The following SLC35B3 variants were observed in gnomAD, a reference collection of about 807,000 sequenced individuals.
SLC35B3 encodes adenosine 3'-phospho 5'-phosphosulfate transporter 2.
In SLC35B3, 35 loss-of-function variants were observed where a neutral mutation model predicts 44.1. The ratio of observed to expected loss-of-function variants is 0.79; its 90% CI spans 0.61 to 1.05. SLC35B3 has a LOEUF of 1.05. Among genes scored for constraint, SLC35B3 ranks in the 50% least tolerant of loss-of-function variants. SLC35B3 has a pLI of 0.00. For synonymous variants in SLC35B3, 146 were observed against 167.3 expected (o/e 0.87, Z 0.98); for missense variants, 414 against 476.4 (o/e 0.87, Z 1.22).
chr6:8,435,450 C>T lies in SLC35B3; in HGVS notation c.-151G>A, dbSNP rs2113607134. Reference sequence around the variant, plus strand: ...TCCGTCGCCATCACCTCCTCTTCCTCCTCCTCCTCGCCCACTCCTGCACTT... The same window carrying T: ...TCCGTCGCCATCACCTCCTCTTCCTTCTCCTCCTCGCCCACTCCTGCACTT... On this transcript the variant is annotated 5_prime_UTR_variant, in exon 1 of 11. Coordinates refer to ENST00000644923, the MANE Select transcript of SLC35B3 (RefSeq NM_001370476.2). The surrounding 1 kb of genome is among the most constrained non-coding windows in gnomAD (Gnocchi z 5.5). 8.3e-7 allele frequency: 1 copy of T among 1,208,994 alleles called. No individual in the cohort carries two copies. The highest frequency in any genetic ancestry group is 1.3e-5 in the South Asian group (1 of 79,190). The allele number at this position is 1,208,994 out of a possible 1,614,324, so 74.9% of individuals were successfully genotyped here.
chr6:8,426,810 C>G (rs4367418), intron 4 of SLC35B3, among the ~76,000 whole-genome samples: 1 of 152,030 alleles, frequency 6.6e-6, no homozygotes, highest in Non-Finnish European at 1.5e-5. Context: ...CAGAAGAAGA[C>G]AGGAAAATGT....
intron 4 of SLC35B3, 76 bp from the exon 4 acceptor site, chr6:8,422,700 G>A: frequency 9.0e-7 from 1 of 1,108,378 alleles, no homozygotes; most frequent in Non-Finnish European, 1.3e-6. Context: ...TTCACATTGT[G>A]TAAATGTCTA....
At position 8,419,442 on chromosome 6, in the gene SLC35B3, T is replaced by A. The variant is rs977135606; in HGVS notation, c.780+138A>T. On this transcript the variant is annotated intron_variant, in intron 7 of 10. Transcript: ENST00000644923. This position sits in a 1 kb window ranked among gnomAD's most constrained non-coding sequence, Gnocchi z 4.3. The stretch of plus-strand genomic sequence containing the variant: ...GTTGTAGTTTTAGTTTTTACCTTCC[T>A]ATAATGTTTGAATGTATTACTTTTG... The A allele has an allele frequency of 4.5e-5, 21 of 469,880 alleles. No individual in the cohort carries two copies. Among genetic ancestry groups the A allele is most frequent in the Non-Finnish European group, 7.6e-5 (20 of 262,724 alleles). 29.1% of individuals were successfully genotyped at this position (469,880 alleles called of 1,614,324 possible).
At chr6:8,429,507 T>C (rs1424373839) in intron 3 of SLC35B3, among the ~76,000 whole-genome samples, 2 of 152,204 alleles carry the variant, frequency 1.3e-5, no homozygotes. Context: ...TCTTTTATTA[T>C]TGAGCTCCAA....
rs771062056 is a variant in SLC35B3 at position 8,411,564 on chromosome 6, G to A, written c.*1985C>T. 1.1e-4 allele frequency among the ~76,000 whole-genome samples: 16 copies of A among 152,090 alleles called. No homozygotes were observed. The highest frequency in any genetic ancestry group is 1.9e-4 in the African/African-American group (8 of 41,424). On this transcript the variant is annotated 3_prime_UTR_variant, in exon 11 of 11. Coordinates refer to ENST00000644923, the MANE Select transcript of SLC35B3 (RefSeq NM_001370476.2). ...ATAATGAAGTATGCATTAAGATCCC[G>A]TCTATCTTAAGCCAGGAAAAATTTT...
chr6:8,417,143 GA>G (rs72191300), intron 8 of SLC35B3, 148 bp from the exon 8 acceptor site: 72,697 of 556,272 alleles, frequency 0.13, 5,407 homozygotes, highest in South Asian at 0.16. Flanking sequence ...TTGATTTAAT[GA>G]AAAAAAAATG....
rs768233424 is a variant in SLC35B3 at position 8,429,972 on chromosome 6, G to A, written c.189C>T (p.Asp63=). ...GATTCATGCCAAGTACCACAACGTC[G>A]TCAACTGACTTGATGTGTGGTGACA... Residue 63 remains aspartate, a synonymous_variant, in exon 3 of 11, where the codon GAC becomes GAT. Coordinates refer to ENST00000644923, the MANE Select transcript of SLC35B3 (RefSeq NM_001370476.2). 25 of 1,613,030 alleles carry A rather than the reference G, an allele frequency of 1.5e-5. No homozygotes were observed. Among genetic ancestry groups the A allele is most frequent in the Admixed American group, 3.3e-5 (2 of 59,822 alleles).
At chr6:8,424,261 T>TA (rs1222978087) in intron 4 of SLC35B3, among the ~76,000 whole-genome samples, 9 of 149,244 alleles carry the variant, frequency 6.0e-5, no homozygotes, top group Non-Finnish European at 1.3e-4. Flanking sequence ...GGGAGAAAAT[T>TA]TTTTTTTTGA....
At position 8,435,107 on chromosome 6, in the gene SLC35B3, G is replaced by T; in HGVS notation, c.-44+236C>A. ...CGAGTCCACGGATTGGGACCTGAGG[G>T]AGTTCTCGCCAGCCCGAGGGCGAAA... On this transcript the variant is annotated intron_variant, in intron 1 of 10. Transcript: ENST00000644923. The surrounding 1 kb of genome is among the most constrained non-coding windows in gnomAD (Gnocchi z 5.5). 8.0e-7 allele frequency: 1 copy of T among 1,249,494 alleles called. No individual in the cohort carries two copies. Among genetic ancestry groups the T allele is most frequent in the Non-Finnish European group, 1.0e-6 (1 of 969,928 alleles). The allele number at this position is 1,249,494 out of a possible 1,614,324, so 77.4% of individuals were successfully genotyped here. A position where few individuals can be genotyped will look rare whatever the true frequency, so the allele number is the denominator to read the frequency against.
chr6:8,413,508 T>C lies in SLC35B3; in HGVS notation c.*41A>G, dbSNP rs367808428. 1.6e-5 allele frequency: 25 copies of C among 1,541,470 alleles called. No individual in the cohort carries two copies. The highest frequency in any genetic ancestry group is 4.5e-4 in the Middle Eastern group (2 of 4,492). Reference sequence around the variant, plus strand: ...CTTTGGAAAGTTAATTAATTGATGATTGTTCCCTTAAAATTCTATTTTAAA... The same window carrying C: ...CTTTGGAAAGTTAATTAATTGATGACTGTTCCCTTAAAATTCTATTTTAAA... On this transcript the variant is annotated 3_prime_UTR_variant, in exon 11 of 11. Coordinates refer to ENST00000644923, the MANE Select transcript of SLC35B3 (RefSeq NM_001370476.2).
Position 8,420,931 on chromosome 6 carries a change from A to G in SLC35B3, c.575-103T>C, listed in dbSNP as rs950194252. The G allele has an allele frequency of 4.8e-6, 4 of 832,960 alleles. No homozygotes were observed. The highest frequency in any genetic ancestry group is 7.4e-6 in the Non-Finnish European group (4 of 542,694). 51.6% of individuals were successfully genotyped at this position (832,960 alleles called of 1,614,324 possible). ...AACATGGATTTGTTTTTTTATATCC[A>G]ATGCCAAAAACGTGAACACTTAGGT... On this transcript the variant is annotated intron_variant, in intron 5 of 10. Transcript: ENST00000644923. The surrounding 1 kb of genome is among the most constrained non-coding windows in gnomAD (Gnocchi z 4.4).
chr6:8,426,813 G>A (rs1763458833), intron 4 of SLC35B3, among the ~76,000 whole-genome samples: 1 of 152,166 alleles, frequency 6.6e-6, no homozygotes, highest in Non-Finnish European at 1.5e-5. Context: ...AAGAAGACAG[G>A]AAAATGTAGG....
chr6:8,416,958 GA>G lies in SLC35B3; in HGVS notation c.910del (p.Ser304ProfsTer14), dbSNP rs1402472961. 1.4e-5 allele frequency: 23 copies of G among 1,602,052 alleles called. No individual in the cohort carries two copies. The highest frequency in any genetic ancestry group is 1.7e-4 in the Middle Eastern group (1 of 6,010). On this transcript the variant is annotated frameshift_variant, in exon 9 of 11. Transcript: ENST00000644923. LOFTEE classifies it high-confidence loss of function. ...GGAGATTCCAAAATATCCAGTGAGG[GA>G]AAAAAGGAACGCATAACCATAGGTC...
intron 7 of SLC35B3, among the ~76,000 whole-genome samples, chr6:8,418,246 A>G (rs1041295780): frequency 6.6e-6 from 1 of 152,116 alleles, no homozygotes; most frequent in African/African-American, 2.4e-5. Flanking sequence ...TTAACTTTCT[A>G]ACAACCTACA....
In SLC35B3 at chr6:8,428,113, A is replaced by G. The variant is rs183400387; in HGVS notation, c.298-55T>C. On this transcript the variant is annotated intron_variant, in intron 3 of 10. Transcript: ENST00000644923. ...TCCAAGGCAGCACACTAATTTCCTA[A>G]AAATAAATTCTTAGAAACACAACAT... 2.2e-6 allele frequency: 3 copies of G among 1,368,640 alleles called. No individual in the cohort carries two copies. In the Admixed American group the frequency reaches 8.5e-5, roughly 39 times the overall value. 84.8% of individuals were successfully genotyped at this position (1,368,640 alleles called of 1,614,324 possible). A position where few individuals can be genotyped will look rare whatever the true frequency, so the allele number is the denominator to read the frequency against.
rs148154513 is a variant in SLC35B3, at chr6:8,425,829, G to A, written c.419+2108C>T. ...CATTAGGGTACGACAGAAGGAGCAC[G>A]CTTCTTACATTAACCAAGAACATTT... On this transcript the variant is annotated intron_variant, in intron 4 of 10. Coordinates refer to ENST00000644923, the MANE Select transcript of SLC35B3 (RefSeq NM_001370476.2). Among the ~76,000 whole-genome samples the A allele has an allele frequency of 4.6e-4, 70 of 152,246 alleles. No homozygotes were observed. The East Asian group carries it at 0.011, about 25-fold the overall frequency.
rs1762082910 is a variant in SLC35B3 at position 8,412,222 on chromosome 6, A to G, written c.*1327T>C. 6.6e-6 allele frequency among the ~76,000 whole-genome samples: 1 copy of G among 152,192 alleles called. No homozygotes were observed. Among genetic ancestry groups the G allele is most frequent in the Admixed American group, 6.5e-5 (1 of 15,278 alleles). On this transcript the variant is annotated 3_prime_UTR_variant, in exon 11 of 11. Coordinates refer to ENST00000644923, the MANE Select transcript of SLC35B3 (RefSeq NM_001370476.2). ...CCTCCATCTTGGACTTCCAGACATC[A>G]GAACTGTGGGAAATAAATTTCCATT...
chr6:8,416,411 C>T (rs754904619), intron 9 of SLC35B3, among the ~76,000 whole-genome samples: 30 of 152,216 alleles, frequency 2.0e-4, no homozygotes, highest in South Asian at 8.3e-4. Flanking sequence ...AGACCCTGCA[C>T]ACAGCAGGTG....
chr6:8,421,992 GTGTTTGTTTGTT>G lies in SLC35B3; in HGVS notation c.574+466_574+477del, dbSNP rs35584868. 2.9e-5 allele frequency among the ~76,000 whole-genome samples: 4 copies of G among 138,812 alleles called. No individual in the cohort carries two copies. The East Asian group carries it at 7.8e-4, about 27-fold the overall frequency. 91.1% of individuals were successfully genotyped at this position (138,812 alleles called of 152,430 possible). On this transcript the variant is annotated intron_variant, in intron 5 of 10. Transcript: ENST00000644923. The stretch of plus-strand genomic sequence containing the variant: ...TGACTTCAGAAACTAAGGCATATAA[GTGTTTGTTTGTT>G]TGTTTGTTTGTTTGTTTTGAGATGG...
Sources: gnomAD v4.1 joint callset for allele counts (sites outside exome capture counted in the v4.1 genomes callset) on GRCh38, gnomAD v4.1.1 for gene constraint, Gnocchi (gnomAD v3.1) non-coding constraint, MANE v1.5 for transcripts, NCBI Gene and HGNC (gene_info 2026-07-23, HGNC 2026-07-21) for gene names.